GABBR2: variants seen among roughly 807,000 people sequenced by gnomAD.
The protein encoded by GABBR2 is G-protein coupled receptor 51.
Under a neutral mutation model 105.6 loss-of-function variants are expected in GABBR2, and 23 were observed. That is an observed-to-expected ratio of 0.22 (90% confidence interval 0.16 to 0.31). The LOEUF is 0.31. Among genes scored for constraint, GABBR2 ranks in the 10% least tolerant of loss-of-function variants. The pLI is 1.00. For missense variants in GABBR2, 734 were observed against 1,245.5 expected (o/e 0.59, Z 6.18); for synonymous variants, 478 against 499.7 (o/e 0.96, Z 0.58).
At chr9:98,320,070 C>T (rs1391783976) in intron 13 of GABBR2, among the ~76,000 whole-genome samples, 1 of 151,912 alleles carries the variant, frequency 6.6e-6, no homozygotes, top group Non-Finnish European at 1.5e-5. Flanking sequence ...ATTTTCGCAA[C>T]CTACTCATCT....
Position 98,542,008 on chromosome 9 carries a change from A to G in GABBR2, c.495T>C (p.Asp165=). The G allele has an allele frequency of 6.2e-7, 1 of 1,614,200 alleles. No homozygotes were observed. Among genetic ancestry groups the G allele is most frequent in the South Asian group, 1.1e-5 (1 of 91,092 alleles). Residue 165 remains aspartate (D), a synonymous_variant, in exon 3 of 19, where the codon GAT becomes GAC. Coordinates refer to ENST00000259455, the MANE Select transcript of GABBR2 (RefSeq NM_005458.8). ...GAAAGAAATAAGGGTATTTTTTCTT[A>G]TCGGCTAGAACAGGCGTGGTTGCAG... is the stretch of plus-strand genomic sequence containing the variant. The part of the protein sequence containing the change: ...SFAATTPVLA[D]KKKYPYFFRT...
chr9:98,426,414 T>C (rs758384381), intron 7 of GABBR2, among the ~76,000 whole-genome samples: 3 of 152,184 alleles, frequency 2.0e-5, no homozygotes, highest in Non-Finnish European at 4.4e-5. Flanking sequence ...ACGTGTGTGT[T>C]AGAGTGAGGG....
At chr9:98,664,778 A>G (rs958517797) in intron 1 of GABBR2, among the ~76,000 whole-genome samples, 8 of 152,288 alleles carry the variant, frequency 5.3e-5, no homozygotes, top group African/African-American at 1.9e-4. Context: ...TGCCTACCAC[A>G]TCAGGGAAGT....
chr9:98,657,437 G>A (rs879508076), intron 1 of GABBR2, among the ~76,000 whole-genome samples: 6 of 152,248 alleles, frequency 3.9e-5, no homozygotes, highest in Admixed American at 2.0e-4. Context: ...TTTCCCTTAC[G>A]CCTGTTCTCT....
chr9:98,613,661 T>C (rs1242256194), intron 1 of GABBR2, among the ~76,000 whole-genome samples: 1 of 152,244 alleles, frequency 6.6e-6, no homozygotes, highest in African/African-American at 2.4e-5. Context: ...AGACAAATTC[T>C]GCAGGGAAGT....
chr9:98,316,779 A>AT, intron 13 of GABBR2, among the ~76,000 whole-genome samples: 1 of 152,338 alleles, frequency 6.6e-6, no homozygotes, highest in African/African-American at 2.4e-5. Context: ...TACACCCGTC[A>AT]TCTTGTTGAA....
chr9:98,635,747 C>G (rs1210542860), intron 1 of GABBR2, among the ~76,000 whole-genome samples: 1 of 152,130 alleles, frequency 6.6e-6, no homozygotes, highest in African/African-American at 2.4e-5. Context: ...TTCACTGTGG[C>G]TGGAGTATTT....
chr9:98,704,237 T>C (rs534259575), intron 1 of GABBR2, among the ~76,000 whole-genome samples: 163 of 152,086 alleles, frequency 1.1e-3, no homozygotes, highest in Non-Finnish European at 2.0e-3. Flanking sequence ...TAAAGCATAG[T>C]GAATAAGGGA....
intron 8 of GABBR2, 34 bp downstream of exon 8, chr9:98,406,047 A>G (rs2131529598): frequency 2.6e-6 from 3 of 1,166,452 alleles, no homozygotes; most frequent in South Asian, 2.5e-5. Flanking sequence ...TCTAAATTTT[A>G]TCAGCTAGAA....
At chr9:98,447,345 G>T (rs958901783) in intron 7 of GABBR2, among the ~76,000 whole-genome samples, 1 of 112,632 alleles carries the variant, frequency 8.9e-6, no homozygotes, top group Non-Finnish European at 2.0e-5. Flanking sequence ...TTACAGGCGT[G>T]AGCCACCGCG....
intron 1 of GABBR2, among the ~76,000 whole-genome samples, chr9:98,661,690 C>T (rs1830266327): frequency 6.6e-6 from 1 of 152,210 alleles, no homozygotes; most frequent in African/African-American, 2.4e-5. Flanking sequence ...CGTGAGCCAC[C>T]GCGCCTGGCC....
intron 3 of GABBR2, among the ~76,000 whole-genome samples, chr9:98,527,488 C>G (rs1827983297): frequency 6.6e-6 from 1 of 152,034 alleles, no homozygotes; most frequent in Non-Finnish European, 1.5e-5. Context: ...GAAAAACTAG[C>G]AGAAATAATA....
chr9:98,288,842 G>A lies in GABBR2; in HGVS notation c.*1742C>T, dbSNP rs1830241184. 6.6e-6 allele frequency: 1 copy of A among 152,590 alleles called. No individual in the cohort carries two copies. The highest frequency in any genetic ancestry group is 1.5e-5 in the Non-Finnish European group (1 of 68,032). The allele number at this position is 152,590 out of a possible 1,614,324, so 9.5% of individuals were successfully genotyped here. On this transcript the variant is annotated 3_prime_UTR_variant, in exon 19 of 19. Coordinates refer to ENST00000259455, the MANE Select transcript of GABBR2 (RefSeq NM_005458.8). ...TAGGGTGCTTTGAAATGTTGGCATT[G>A]GTAAGATTCCTGTGGGCCCTTTTGT...
intron 11 of GABBR2, among the ~76,000 whole-genome samples, chr9:98,380,982 G>T (rs915911901): frequency 6.6e-6 from 1 of 152,224 alleles, no homozygotes; most frequent in Non-Finnish European, 1.5e-5. Context: ...TGTGACTTCG[G>T]CTGCGCCATG....
In GABBR2 at chr9:98,626,966, T is replaced by C. The variant is rs145123034; in HGVS notation, c.322-48894A>G. On this transcript the variant is annotated intron_variant, in intron 1 of 18. Coordinates refer to ENST00000259455, the MANE Select transcript of GABBR2 (RefSeq NM_005458.8). ...CCTGCTTCAGGAATAAGTGAGAACA[T>C]GAAATGCCTAGGTTTGAAACCGCCT... Among the ~76,000 whole-genome samples, 39 of 152,336 alleles carry C rather than the reference T, an allele frequency of 2.6e-4. No individual in the cohort carries two copies. The East Asian group carries it at 7.1e-3, about 28-fold the overall frequency.
At chr9:98,572,809 C>T (rs1322014688) in intron 2 of GABBR2, among the ~76,000 whole-genome samples, 3 of 152,190 alleles carry the variant, frequency 2.0e-5, no homozygotes, top group Admixed American at 6.5e-5. Context: ...ACCATTCTGC[C>T]TCCCAGGTCC....
rs540073634 is a variant in GABBR2, at chr9:98,573,322, G to A, written c.459+4613C>T. Among the ~76,000 whole-genome samples the A allele has an allele frequency of 9.9e-5, 15 of 151,922 alleles. No individual in the cohort carries two copies. In the East Asian group the frequency reaches 1.2e-3, roughly 12 times the overall value. On this transcript the variant is annotated intron_variant, in intron 2 of 18. Transcript: ENST00000259455. ...AATAGAGGCAGGGTATCGCTTTTTC[G>A]CCCAGGCAGGAGTGCAGTGGCATGA...
intron 3 of GABBR2, among the ~76,000 whole-genome samples, chr9:98,506,460 C>G (rs1469317639): frequency 6.6e-6 from 1 of 152,150 alleles, no homozygotes; most frequent in East Asian, 1.9e-4. Context: ...ATATTCCAAG[C>G]CCACTAGACC....
At chr9:98,363,413 A>G (rs936994752) in intron 12 of GABBR2, among the ~76,000 whole-genome samples, 6 of 152,204 alleles carry the variant, frequency 3.9e-5, no homozygotes, top group African/African-American at 1.4e-4. Flanking sequence ...AAATATTGTT[A>G]TTATTCTTAT....
Sources: gnomAD v4.1 joint callset for allele counts (sites outside exome capture counted in the v4.1 genomes callset) on GRCh38, gnomAD v4.1.1 for gene constraint, MANE v1.5 for transcripts, NCBI Gene and HGNC (gene_info 2026-07-23, HGNC 2026-07-21) for gene names.